Variants in SCAMP1 observed in about 807,000 individuals in gnomAD.
SCAMP1 encodes the protein secretory carrier-associated membrane protein 1.
Under a neutral mutation model 41.8 loss-of-function variants are expected in SCAMP1, and 15 were observed. The ratio of observed to expected loss-of-function variants is 0.36; its 90% CI spans 0.24 to 0.55. The LOEUF is 0.55. Ranked by LOEUF, SCAMP1 falls within the 20% of genes least tolerant of loss-of-function variation. The pLI is 0.86. For synonymous variants in SCAMP1, 135 were observed against 136.8 expected (o/e 0.99, Z 0.09); for missense variants, 341 against 412.6 (o/e 0.83, Z 1.50).
chr5:78,424,242 G>T (rs929373430), intron 6 of SCAMP1, among the ~76,000 whole-genome samples: 4 of 152,090 alleles, frequency 2.6e-5, no homozygotes, highest in Non-Finnish European at 4.4e-5. Context: ...ATACCTTCCT[G>T]TTATGTATCT....
chr5:78,453,942 G>C (rs1440480820), intron 7 of SCAMP1, among the ~76,000 whole-genome samples: 1 of 152,106 alleles, frequency 6.6e-6, no homozygotes, highest in African/African-American at 2.4e-5. Context: ...TATTCTCTTT[G>C]AAGCAATTGT....
At position 78,480,113 on chromosome 5, in the gene SCAMP1, A is replaced by G. The variant is rs1308129990; in HGVS notation, c.*4445A>G. On this transcript the variant is annotated 3_prime_UTR_variant, in exon 9 of 9. Coordinates refer to ENST00000621999, the MANE Select transcript of SCAMP1 (RefSeq NM_004866.6). ...CAAATGGCAAGGGAACATGGGAACT[A>G]TCATGTGGCAATGTAGTGAGTGTTA... Among the ~76,000 whole-genome samples the G allele has an allele frequency of 1.3e-5, 2 of 152,076 alleles. No homozygotes were observed. Among genetic ancestry groups the G allele is most frequent in the Non-Finnish European group, 2.9e-5 (2 of 68,014 alleles).
chr5:78,384,557 G>A (rs770002091), intron 1 of SCAMP1, among the ~76,000 whole-genome samples: 6 of 151,962 alleles, frequency 3.9e-5, no homozygotes, highest in Non-Finnish European at 5.9e-5. Context: ...ATGCTTTCAA[G>A]TTTTCCCCGT....
rs544751128 is a variant in SCAMP1, at chr5:78,393,251, A to G, written c.135+4337A>G. 3.6e-3 allele frequency among the ~76,000 whole-genome samples: 545 copies of G among 152,298 alleles called. 6 individuals carry two copies. The highest frequency in any genetic ancestry group is 0.013 in the African/African-American group (527 of 41,568). On this transcript the variant is annotated intron_variant, in intron 2 of 8. Transcript: ENST00000621999. ...AAGTGCAGTGGCACAGTCGTTGCTCATTGCAGCCCCAAACTCCTGAGCTCA... is the reference window on the plus strand; with the variant it reads ...AAGTGCAGTGGCACAGTCGTTGCTCGTTGCAGCCCCAAACTCCTGAGCTCA...
intron 2 of SCAMP1, among the ~76,000 whole-genome samples, chr5:78,394,484 A>G (rs1751599418): frequency 6.6e-6 from 1 of 152,178 alleles, no homozygotes. Flanking sequence ...TGTCCTCCCA[A>G]AATGGATTAC....
At chr5:78,363,296 G>T (rs941837380) in intron 1 of SCAMP1, among the ~76,000 whole-genome samples, 6 of 150,742 alleles carry the variant, frequency 4.0e-5, no homozygotes, top group African/African-American at 4.9e-5. Context: ...CACTGCAAGC[G>T]CTGCCTCCTG....
intron 1 of SCAMP1, among the ~76,000 whole-genome samples, chr5:78,387,707 C>G (rs937078920): frequency 6.6e-6 from 1 of 152,126 alleles, no homozygotes; most frequent in African/African-American, 2.4e-5. Context: ...GAGAGCTGAA[C>G]TACAGTGATT....
At chr5:78,380,690 G>C (rs1751183472) in intron 1 of SCAMP1, among the ~76,000 whole-genome samples, 1 of 152,044 alleles carries the variant, frequency 6.6e-6, no homozygotes, top group Non-Finnish European at 1.5e-5. Context: ...AATACTCGTT[G>C]AAGAAACAGA....
intron 6 of SCAMP1, among the ~76,000 whole-genome samples, chr5:78,443,487 A>G (rs999129114): frequency 6.6e-6 from 1 of 151,954 alleles, no homozygotes; most frequent in Non-Finnish European, 1.5e-5. Flanking sequence ...AGTTTGCACC[A>G]AGGTTGTGGT....
chr5:78,430,682 T>G (rs956978804), intron 6 of SCAMP1, among the ~76,000 whole-genome samples: 4 of 151,944 alleles, frequency 2.6e-5, no homozygotes, highest in African/African-American at 9.7e-5. Flanking sequence ...TTATGGTCTT[T>G]TGGGCAAATT....
rs376742446 is a variant in SCAMP1, at chr5:78,396,957, G to A, written c.135+8043G>A. Among the ~76,000 whole-genome samples the A allele has an allele frequency of 7.2e-5, 11 of 152,310 alleles. No individual in the cohort carries two copies. In the East Asian group the frequency reaches 1.7e-3, roughly 24 times the overall value. On this transcript the variant is annotated intron_variant, in intron 2 of 8. Coordinates refer to ENST00000621999, the MANE Select transcript of SCAMP1 (RefSeq NM_004866.6). Reference sequence around the variant, plus strand: ...AAATGCCTTACTAAAGTATCTTTAAGAAGAAAGAACTGGGAAAAGCGCAAA... The same window carrying A: ...AAATGCCTTACTAAAGTATCTTTAAAAAGAAAGAACTGGGAAAAGCGCAAA...
intron 2 of SCAMP1, among the ~76,000 whole-genome samples, chr5:78,397,663 G>A (rs1322622132): frequency 6.6e-6 from 1 of 152,100 alleles, no homozygotes; most frequent in Admixed American, 6.5e-5. Context: ...GCTCATGTTT[G>A]TAATCCCAGC....
intron 6 of SCAMP1, among the ~76,000 whole-genome samples, chr5:78,446,304 C>T (rs1283395814): frequency 1.3e-5 from 2 of 152,124 alleles, no homozygotes; most frequent in African/African-American, 4.8e-5. Context: ...TAATAGATTT[C>T]TTAACTAGAA....
intron 6 of SCAMP1, among the ~76,000 whole-genome samples, chr5:78,436,725 T>C (rs564906508): frequency 9.9e-5 from 15 of 152,252 alleles, no homozygotes; most frequent in Admixed American, 7.8e-4. Context: ...TGGTTCCATA[T>C]GAACTTTACC....
chr5:78,401,721 G>T (rs1751803873), intron 2 of SCAMP1, among the ~76,000 whole-genome samples: 1 of 152,028 alleles, frequency 6.6e-6, no homozygotes, highest in Non-Finnish European at 1.5e-5. Flanking sequence ...CCTCCCTTTT[G>T]TTCCTCCTTA....
chr5:78,422,019 G>A (rs1486879231), intron 6 of SCAMP1, 59 bp downstream of exon 6: 3 of 1,404,910 alleles, frequency 2.1e-6, no homozygotes, highest in Non-Finnish European at 2.9e-6. Flanking sequence ...ATAATTCGTA[G>A]TATACATTAA....
At chr5:78,460,742 CTCCTTCCTTCCT>C (rs1188221227) in intron 8 of SCAMP1, among the ~76,000 whole-genome samples, 4,020 of 84,548 alleles carry the variant, frequency 0.048, 304 homozygotes, top group Non-Finnish European at 0.072. Flanking sequence ...GGTTTCTTTT[CTCCTTCCTTCCT>C]TCCTTCCTTC....
intron 1 of SCAMP1, among the ~76,000 whole-genome samples, chr5:78,378,724 A>G (rs1339377501): frequency 2.0e-5 from 3 of 152,242 alleles, no homozygotes; most frequent in African/African-American, 4.8e-5. Flanking sequence ...TCTAATGTCT[A>G]TGCATAGTCA....
intron 6 of SCAMP1, among the ~76,000 whole-genome samples, chr5:78,424,361 T>G (rs988960012): frequency 2.0e-5 from 3 of 152,210 alleles, no homozygotes; most frequent in Admixed American, 6.5e-5. Context: ...ATGTATGTGT[T>G]TTTAAAAGTT....
Sources: allele counts gnomAD v4.1 joint callset (sites outside exome capture counted in the v4.1 genomes callset), GRCh38; gene constraint gnomAD v4.1.1; transcripts MANE v1.5; gene names NCBI Gene and HGNC (gene_info 2026-07-23, HGNC 2026-07-21).